Variants in CCDC178 observed in about 807,000 individuals in gnomAD.
CCDC178 encodes the protein coiled-coil domain containing 178, also known as coiled-coil domain-containing protein 178.
CCDC178 carries 126 observed loss-of-function variants against 117.4 expected under a neutral mutation model. The observed-to-expected ratio is 1.07, with a 90% CI of 0.93 to 1.24. The LOEUF is 1.24. CCDC178 is among the 50% of genes most tolerant of loss of function. The probability of loss-of-function intolerance (pLI) is 0.00; values close to 1 mark genes in which losing one functional copy is unlikely to be tolerated. For synonymous variants in CCDC178, 283 were observed against 313.4 expected (o/e 0.90, Z 1.02); for missense variants, 1,030 against 986.9 (o/e 1.04, Z -0.59).
At chr18:33,234,490 T>C (rs983726383) in intron 15 of CCDC178, among the ~76,000 whole-genome samples, 2 of 152,118 alleles carry the variant, frequency 1.3e-5, no homozygotes, top group African/African-American at 2.4e-5. Context: ...GTGATTATCC[T>C]AGAAACGTTC....
intron 10 of CCDC178, 33 bp from the exon 11 acceptor site, chr18:33,323,666 A>G (rs751213658): frequency 7.7e-7 from 1 of 1,305,278 alleles, no homozygotes; most frequent in South Asian, 1.8e-5. Flanking sequence ...TTATATTTGC[A>G]CTTAATGGTT....
chr18:33,274,712 G>A (rs769621006), intron 12 of CCDC178, among the ~76,000 whole-genome samples: 27 of 151,800 alleles, frequency 1.8e-4, no homozygotes, highest in Non-Finnish European at 3.4e-4. Context: ...CCAGAAGTAG[G>A]TTTACAAAGT....
chr18:33,065,220 G>A (rs77105176), intron 21 of CCDC178, among the ~76,000 whole-genome samples: 2,838 of 152,098 alleles, frequency 0.019, 54 homozygotes, highest in East Asian at 0.1. Flanking sequence ...GTAAGATATG[G>A]TGTACTACAA....
At chr18:33,369,748 A>G (rs2063270660) in intron 6 of CCDC178, among the ~76,000 whole-genome samples, 1 of 152,008 alleles carries the variant, frequency 6.6e-6, no homozygotes, top group Admixed American at 6.6e-5. Context: ...AAGTATGTAA[A>G]TACTACTTAA....
At position 33,140,405 on chromosome 18, in the gene CCDC178, G is replaced by C. The variant is rs865890655; in HGVS notation, c.2239-47495C>G. ...CAGCAGCCCATGAAAGCAGTTGGGAGGGAAGTTGTACCCTGCAAAGCCATA... is the reference window on the plus strand; with the variant it reads ...CAGCAGCCCATGAAAGCAGTTGGGACGGAAGTTGTACCCTGCAAAGCCATA... On this transcript the variant is annotated intron_variant, in intron 20 of 22. Coordinates refer to ENST00000383096, the MANE Select transcript of CCDC178 (RefSeq NM_001105528.4). 9.9e-5 allele frequency among the ~76,000 whole-genome samples: 15 copies of C among 152,256 alleles called. No individual in the cohort carries two copies. In the Middle Eastern group the frequency reaches 0.017, roughly 173 times the overall value.
chr18:33,106,515 T>C (rs2057707009), intron 20 of CCDC178, among the ~76,000 whole-genome samples: 1 of 151,666 alleles, frequency 6.6e-6, no homozygotes, highest in South Asian at 2.1e-4. Context: ...TGAACATTAT[T>C]TTGAATAGGA....
intron 2 of CCDC178, among the ~76,000 whole-genome samples, chr18:33,423,404 G>A (rs1239648968): frequency 3.3e-5 from 5 of 152,180 alleles, no homozygotes; most frequent in South Asian, 2.1e-4. Flanking sequence ...TTTAGGGCAC[G>A]TTTTTAGGTG....
At chr18:33,094,013 C>T (rs1417121670) in intron 20 of CCDC178, among the ~76,000 whole-genome samples, 5 of 151,802 alleles carry the variant, frequency 3.3e-5, no homozygotes, top group African/African-American at 4.8e-5. Context: ...TGTTGCCATG[C>T]GAGAATGTGT....
intron 21 of CCDC178, among the ~76,000 whole-genome samples, chr18:32,995,523 A>G (rs1181873282): frequency 2.0e-5 from 3 of 152,178 alleles, no homozygotes; most frequent in Non-Finnish European, 4.4e-5. Flanking sequence ...AACCAGATGT[A>G]TACAAAATAA....
chr18:33,179,094 T>TATATAAAATATATATATATATAAA (rs2058700805), intron 20 of CCDC178, among the ~76,000 whole-genome samples: 1 of 105,302 alleles, frequency 9.5e-6, no homozygotes, highest in African/African-American at 4.8e-5. Flanking sequence ...TATATATATA[T>TATATAAAATATATATATATATAAA]ATATATATAT....
chr18:33,316,566 C>G (rs2062421582), intron 11 of CCDC178, among the ~76,000 whole-genome samples: 1 of 152,162 alleles, frequency 6.6e-6, no homozygotes, highest in African/African-American at 2.4e-5. Flanking sequence ...GCACTCCTGG[C>G]AGCTCCACCT....
intron 20 of CCDC178, among the ~76,000 whole-genome samples, chr18:33,111,444 T>C (rs1049068161): frequency 6.6e-6 from 1 of 151,730 alleles, no homozygotes; most frequent in Non-Finnish European, 1.5e-5. Flanking sequence ...CTTTGTAATA[T>C]CAATTGAGAT....
intron 5 of CCDC178, among the ~76,000 whole-genome samples, chr18:33,383,867 T>C (rs2063465744): frequency 6.6e-6 from 1 of 152,116 alleles, no homozygotes; most frequent in African/African-American, 2.4e-5. Context: ...CTGAGATGGA[T>C]GAACTAACAG....
intron 21 of CCDC178, among the ~76,000 whole-genome samples, chr18:33,044,507 A>G (rs946284841): frequency 2.6e-5 from 4 of 152,182 alleles, no homozygotes; most frequent in Middle Eastern, 3.4e-3. Context: ...CTATTATTAA[A>G]AAAACAAACA....
intron 21 of CCDC178, among the ~76,000 whole-genome samples, chr18:33,062,147 ACTAT>A (rs1188029915): frequency 4.6e-5 from 7 of 152,224 alleles, no homozygotes; most frequent in African/African-American, 1.2e-4. Flanking sequence ...GTGTGTGGAC[ACTAT>A]CTATATCTTT....
At position 33,078,030 on chromosome 18, in the gene CCDC178, C is replaced by A. The variant is rs534155244; in HGVS notation, c.2388+14731G>T. ...TATTGATGAACATTAATGCAAAACT[C>A]CTTAACAAAATACTTGCAAACCAAA... On this transcript the variant is annotated intron_variant, in intron 21 of 22. Coordinates refer to ENST00000383096, the MANE Select transcript of CCDC178 (RefSeq NM_001105528.4). Among the ~76,000 whole-genome samples the A allele has an allele frequency of 4.4e-4, 67 of 152,226 alleles. 1 individual carries two copies. The highest frequency in any genetic ancestry group is 4.3e-3 in the Admixed American group (66 of 15,282).
At chr18:32,951,758 C>T (rs1206158023) in intron 22 of CCDC178, among the ~76,000 whole-genome samples, 1 of 152,152 alleles carries the variant, frequency 6.6e-6, no homozygotes, top group Non-Finnish European at 1.5e-5. Context: ...TCCAAAGTCT[C>T]ACCTGAGACA....
chr18:33,132,908 C>A (rs951966276), intron 20 of CCDC178, among the ~76,000 whole-genome samples: 12 of 151,742 alleles, frequency 7.9e-5, no homozygotes, highest in Non-Finnish European at 1.6e-4. Context: ...CAACAGATTT[C>A]GATTCCCTAA....
intron 20 of CCDC178, among the ~76,000 whole-genome samples, chr18:33,169,686 C>A (rs1410094989): frequency 1.3e-5 from 2 of 151,994 alleles, no homozygotes; most frequent in African/African-American, 4.8e-5. Flanking sequence ...GGCTAGATAC[C>A]AGTGTGCTGT....
Sources: gnomAD v4.1 joint callset for allele counts (sites outside exome capture counted in the v4.1 genomes callset) on GRCh38, gnomAD v4.1.1 for gene constraint, MANE v1.5 for transcripts, NCBI Gene and HGNC (gene_info 2026-07-23, HGNC 2026-07-21) for gene names.